Variants in CACNA2D3 observed in about 807,000 individuals in gnomAD.
CACNA2D3 encodes voltage-dependent calcium channel subunit alpha-2/delta-3.
A neutral mutation model predicts 160.6 loss-of-function variants in CACNA2D3; 60 were observed. The ratio of observed to expected loss-of-function variants is 0.37; its 90% CI spans 0.30 to 0.46. CACNA2D3 has a LOEUF of 0.46. Ranked by LOEUF, CACNA2D3 falls within the 20% of genes least tolerant of loss-of-function variation. The pLI is 1.00. For synonymous variants in CACNA2D3, 558 were observed against 492.9 expected (o/e 1.13, Z -1.75); for missense variants, 1,205 against 1,365.0 (o/e 0.88, Z 1.85).
At chr3:55,032,676 G>A (rs541101646) in intron 35 of CACNA2D3, among the ~76,000 whole-genome samples, 4 of 152,198 alleles carry the variant, frequency 2.6e-5, no homozygotes, top group South Asian at 2.1e-4. Context: ...CTGTGCCTCT[G>A]TAAAATGAAG....
intron 3 of CACNA2D3, among the ~76,000 whole-genome samples, chr3:54,322,883 C>G (rs907354120): frequency 1.3e-5 from 2 of 151,968 alleles, no homozygotes; most frequent in Admixed American, 1.3e-4. Context: ...ATAAGTTGCT[C>G]TGTTTAAATT....
intron 14 of CACNA2D3, among the ~76,000 whole-genome samples, chr3:54,827,853 A>C (rs746118318): frequency 7.2e-5 from 11 of 152,308 alleles, no homozygotes; most frequent in Non-Finnish European, 1.5e-4. Context: ...TGTCTTGTGT[A>C]CCAGGCTCTG....
At position 54,349,968 on chromosome 3, in the gene CACNA2D3, T is replaced by G. The variant is rs140432554; in HGVS notation, c.321+29410T>G. On this transcript the variant is annotated intron_variant, in intron 3 of 37. Transcript: ENST00000474759. The stretch of plus-strand genomic sequence containing the variant: ...ACAGAGGGCCCATTGGTTCAGACTT[T>G]GGTCATGCATTTGTCTTGTGTTTTG... 1.3e-3 allele frequency among the ~76,000 whole-genome samples: 191 copies of G among 152,348 alleles called. 1 individual carries two copies. Among genetic ancestry groups the G allele is most frequent in the African/African-American group, 4.3e-3 (180 of 41,580 alleles).
intron 5 of CACNA2D3, among the ~76,000 whole-genome samples, chr3:54,556,980 GT>G (rs148098681): frequency 4.1e-4 from 62 of 151,012 alleles, no homozygotes; most frequent in East Asian, 3.3e-3. Context: ...ATATTTAACT[GT>G]TTTTTTTTAA....
chr3:54,759,203 A>G (rs1020392209), intron 12 of CACNA2D3, among the ~76,000 whole-genome samples: 1 of 152,222 alleles, frequency 6.6e-6, no homozygotes, highest in African/African-American at 2.4e-5. Context: ...TAACTTCAGC[A>G]TTAATTGCTC....
chr3:54,657,975 A>T (rs2106875518), intron 11 of CACNA2D3, among the ~76,000 whole-genome samples: 1 of 152,334 alleles, frequency 6.6e-6, no homozygotes, highest in Admixed American at 6.5e-5. Context: ...CTGAGATTGC[A>T]CCACTGCTTT....
intron 31 of CACNA2D3, among the ~76,000 whole-genome samples, chr3:54,994,728 C>A (rs1363803875): frequency 6.6e-6 from 1 of 152,136 alleles, no homozygotes; most frequent in Non-Finnish European, 1.5e-5. Flanking sequence ...ATTATTATTT[C>A]CATTTGACAA....
intron 21 of CACNA2D3, among the ~76,000 whole-genome samples, chr3:54,883,620 GA>G: frequency 6.6e-6 from 1 of 152,232 alleles, no homozygotes; most frequent in Non-Finnish European, 1.5e-5. Context: ...ACTGCAACTA[GA>G]AAAAGACTTG....
At chr3:54,300,835 C>T (rs747948878) in intron 2 of CACNA2D3, among the ~76,000 whole-genome samples, 10 of 151,918 alleles carry the variant, frequency 6.6e-5, no homozygotes, top group African/African-American at 2.2e-4. Flanking sequence ...GGCAACAAAG[C>T]GAGACTCCAT....
At chr3:54,727,764 G>A (rs72872270) in intron 11 of CACNA2D3, among the ~76,000 whole-genome samples, 1,983 of 152,272 alleles carry the variant, frequency 0.013, 48 homozygotes, top group African/African-American at 0.046. Context: ...TCAGTGGCTG[G>A]TGGGGGCAGG....
chr3:54,473,308 G>A (rs1483766281), intron 4 of CACNA2D3, among the ~76,000 whole-genome samples: 2 of 152,170 alleles, frequency 1.3e-5, no homozygotes, highest in Non-Finnish European at 2.9e-5. Flanking sequence ...AATAAATGGT[G>A]TTGGGAAAAC....
intron 27 of CACNA2D3, among the ~76,000 whole-genome samples, chr3:54,965,403 A>T (rs1032804207): frequency 2.6e-5 from 4 of 152,042 alleles, no homozygotes; most frequent in African/African-American, 9.7e-5. Context: ...CTCCATTTGG[A>T]TTGCCATCTT....
intron 27 of CACNA2D3, among the ~76,000 whole-genome samples, chr3:54,911,022 T>C (rs1288406582): frequency 6.6e-6 from 1 of 152,148 alleles, no homozygotes; most frequent in East Asian, 1.9e-4. Flanking sequence ...TTGGCCACTG[T>C]GTCCTTCAAT....
intron 27 of CACNA2D3, among the ~76,000 whole-genome samples, chr3:54,911,311 C>G (rs1700549387): frequency 6.8e-6 from 1 of 147,618 alleles, no homozygotes; most frequent in Non-Finnish European, 1.5e-5. Flanking sequence ...CCTCCCCTTC[C>G]CCCTCCCCGC....
intron 18 of CACNA2D3, among the ~76,000 whole-genome samples, chr3:54,878,246 C>T (rs1004491978): frequency 1.3e-4 from 20 of 152,156 alleles, no homozygotes; most frequent in African/African-American, 4.6e-4. Flanking sequence ...CAGGCTGTGG[C>T]ATGTCAGCGT....
chr3:54,498,725 C>A (rs1701242595), intron 4 of CACNA2D3, among the ~76,000 whole-genome samples: 1 of 151,796 alleles, frequency 6.6e-6, no homozygotes, highest in East Asian at 1.9e-4. Flanking sequence ...TGTGTAACTT[C>A]TTCTCTAAGC....
At chr3:54,188,451 A>G (rs1043412691) in intron 2 of CACNA2D3, among the ~76,000 whole-genome samples, 1 of 152,168 alleles carries the variant, frequency 6.6e-6, no homozygotes, top group Non-Finnish European at 1.5e-5. Flanking sequence ...TTCTCGGCAG[A>G]GTCTGTGTTC....
chr3:54,713,939 G>C (rs1701001262), intron 11 of CACNA2D3, among the ~76,000 whole-genome samples: 1 of 152,110 alleles, frequency 6.6e-6, no homozygotes, highest in Admixed American at 6.6e-5. Context: ...TGTAGCCATT[G>C]TTCAAGTTTC....
chr3:54,927,725 C>G (rs1701064580), intron 27 of CACNA2D3, among the ~76,000 whole-genome samples: 1 of 152,198 alleles, frequency 6.6e-6, no homozygotes, highest in African/African-American at 2.4e-5. Flanking sequence ...TCTCTCCACC[C>G]TCTTCCTCTG....
Sources: gnomAD v4.1 joint callset for allele counts (sites outside exome capture counted in the v4.1 genomes callset) on GRCh38, gnomAD v4.1.1 for gene constraint, MANE v1.5 for transcripts, NCBI Gene and HGNC (gene_info 2026-07-23, HGNC 2026-07-21) for gene names.